The following ARHGAP39 variants were observed in gnomAD, a reference collection of about 807,000 sequenced individuals.
ARHGAP39 encodes Rho GTPase activating protein 39, also known as rho GTPase-activating protein 39.
ARHGAP39 carries 44 observed loss-of-function variants against 106.9 expected under a neutral mutation model. The observed-to-expected ratio is 0.41, with a 90% CI of 0.32 to 0.53. ARHGAP39 has a LOEUF of 0.53. Ranked by LOEUF, ARHGAP39 falls within the 20% of genes least tolerant of loss-of-function variation. The pLI, the probability that ARHGAP39 is intolerant of heterozygous loss-of-function variation, is 0.21. For missense variants in ARHGAP39, 1,496 were observed against 1,577.3 expected (o/e 0.95, Z 0.87); for synonymous variants, 768 against 693.2 (o/e 1.11, Z -1.69).
At chr8:144,599,505 CAA>C (rs1563696580) in intron 2 of ARHGAP39, among the ~76,000 whole-genome samples, 1 of 152,116 alleles carries the variant, frequency 6.6e-6, no homozygotes, top group Non-Finnish European at 1.5e-5. Flanking sequence ...AAACAGAAAA[CAA>C]GAGAGTTTCT....
intron 3 of ARHGAP39, among the ~76,000 whole-genome samples, chr8:144,572,538 AG>A (rs1818622553): frequency 1.3e-5 from 2 of 152,250 alleles, no homozygotes. Flanking sequence ...AAGAAAACCT[AG>A]GCATTACCAT....
intron 6 of ARHGAP39, among the ~76,000 whole-genome samples, chr8:144,538,090 A>G (rs1179404310): frequency 2.6e-5 from 4 of 152,154 alleles, no homozygotes; most frequent in Non-Finnish European, 5.9e-5. Context: ...AGGAGAACAC[A>G]GGGAAGGCGC....
chr8:144,600,293 C>T (rs190237502), intron 2 of ARHGAP39, among the ~76,000 whole-genome samples: 53 of 136,966 alleles, frequency 3.9e-4, no homozygotes, highest in South Asian at 4.8e-4. Flanking sequence ...TACCCACCTG[C>T]GTGTGCGTGT....
chr8:144,686,897 ACTTCCCACCCCC>A (rs1416227988), upstream of ARHGAP39, among the ~76,000 whole-genome samples: 4,587 of 147,460 alleles, frequency 0.031, 1,354 homozygotes, highest in African/African-American at 0.037. Flanking sequence ...GGCGGCGAGC[ACTTCCCACCCCC>A]GTGACCACAC....
chr8:144,545,381 G>C lies in ARHGAP39; in HGVS notation c.2389C>G (p.Arg797Gly). The change falls in exon 6 of 12, where the codon CGC becomes GGC. Residue 797 changes from arginine (R) to glycine (G), a missense_variant. Around this residue, in one of 4 missense-constraint regions of ARHGAP39, gnomAD observed 470 missense variants for 605.1 expected, o/e 0.78. Coordinates refer to ENST00000377307, the MANE Select transcript of ARHGAP39 (RefSeq NM_025251.3). ...CAGCCGCGGGCCAGGCTCTCCAGGC[G>C]GAAGTTCTCGGTGGTCTGCCGGCAC... ...QLCRQTTENFRLESLARGWEL... is the reference protein window; with the variant it reads ...QLCRQTTENFGLESLARGWEL... 1 of 1,598,904 alleles carries C rather than the reference G, an allele frequency of 6.3e-7. No homozygotes were observed. The highest frequency in any genetic ancestry group is 8.5e-7 in the Non-Finnish European group (1 of 1,171,710).
At chr8:144,553,166 C>T (rs1314046802) in intron 4 of ARHGAP39, among the ~76,000 whole-genome samples, 2 of 152,200 alleles carry the variant, frequency 1.3e-5, no homozygotes, top group African/African-American at 2.4e-5. Context: ...GGATCTCCCA[C>T]GAGCGGCCAC....
chr8:144,664,248 C>G (rs1435989602), intron 1 of ARHGAP39, among the ~76,000 whole-genome samples: 2 of 152,228 alleles, frequency 1.3e-5, no homozygotes, highest in Non-Finnish European at 2.9e-5. Context: ...CCTCTGCCAC[C>G]TGAGTAGAGC....
chr8:144,593,827 C>T (rs953689124), intron 2 of ARHGAP39, among the ~76,000 whole-genome samples: 4 of 152,122 alleles, frequency 2.6e-5, no homozygotes, highest in East Asian at 1.9e-4. Context: ...CCGTGGCTAA[C>T]GCCTGGAATC....
intron 1 of ARHGAP39, among the ~76,000 whole-genome samples, chr8:144,660,800 T>C (rs1322816821): frequency 6.6e-6 from 1 of 151,994 alleles, no homozygotes; most frequent in Non-Finnish European, 1.5e-5. Context: ...GCCAACATGG[T>C]GAAATCCTGT....
At chr8:144,614,968 T>C (rs1450020393) in intron 1 of ARHGAP39, among the ~76,000 whole-genome samples, 1 of 152,212 alleles carries the variant, frequency 6.6e-6, no homozygotes, top group East Asian at 1.9e-4. Flanking sequence ...ATGATCAGTA[T>C]GATGTTGAAA....
At chr8:144,602,212 C>G (rs185402931) in intron 2 of ARHGAP39, among the ~76,000 whole-genome samples, 4 of 89,866 alleles carry the variant, frequency 4.5e-5, no homozygotes, top group Non-Finnish European at 6.5e-5. Flanking sequence ...GGCGTGCGTG[C>G]GAGCTCGTGT....
chr8:144,613,764 A>G (rs1441495656), intron 1 of ARHGAP39, among the ~76,000 whole-genome samples: 3 of 152,208 alleles, frequency 2.0e-5, no homozygotes, highest in Non-Finnish European at 4.4e-5. Context: ...CCATTGGTCA[A>G]CAAAGAAAAA....
At chr8:144,581,463 C>A (rs1167972139) in intron 2 of ARHGAP39, among the ~76,000 whole-genome samples, 186 bp from the exon 3 acceptor site, 1 of 152,232 alleles carries the variant, frequency 6.6e-6, no homozygotes, top group Non-Finnish European at 1.5e-5. Flanking sequence ...GGGAAGCCCC[C>A]GGAGCCGCCA....
chr8:144,540,953 G>A (rs528749707), intron 6 of ARHGAP39, among the ~76,000 whole-genome samples: 1 of 152,222 alleles, frequency 6.6e-6, no homozygotes, highest in Non-Finnish European at 1.5e-5. Context: ...CTGGGTTCAA[G>A]TGATTCTCCT....
chr8:144,537,708 G>A lies in ARHGAP39; in HGVS notation c.2614+13C>T. ...CAGACGCCGCGCCCAGGGGCTGCGG[G>A]GAGAGGCCCTACCATCCGGCTCTTC... On this transcript the variant is annotated intron_variant, in intron 7 of 11. Coordinates refer to ENST00000377307, the MANE Select transcript of ARHGAP39 (RefSeq NM_025251.3). The A allele has an allele frequency of 1.9e-6, 3 of 1,612,928 alleles. No individual in the cohort carries two copies. The highest frequency in any genetic ancestry group is 2.5e-6 in the Non-Finnish European group (3 of 1,178,976).
At chr8:144,622,831 G>A (rs1021054852) in intron 1 of ARHGAP39, among the ~76,000 whole-genome samples, 3 of 152,262 alleles carry the variant, frequency 2.0e-5, no homozygotes, top group Non-Finnish European at 4.4e-5. Context: ...GCTGGCCTGC[G>A]CCCGCTCCTT....
intron 1 of ARHGAP39, among the ~76,000 whole-genome samples, chr8:144,607,056 T>C (rs1184199858): frequency 6.7e-6 from 1 of 148,368 alleles, no homozygotes; most frequent in Non-Finnish European, 1.5e-5. Flanking sequence ...AGAACATGTG[T>C]AATGTGTGTG....
the ARHGAP39 span, among the ~76,000 whole-genome samples, chr8:144,694,333 G>A: frequency 0.049 from 7,524 of 152,174 alleles, 619 homozygotes; most frequent in East Asian, 0.35. Context: ...AAGAGGTTGG[G>A]TAATGAACGT....
intron 2 of ARHGAP39, among the ~76,000 whole-genome samples, chr8:144,599,590 G>C (rs1029734628): frequency 4.6e-5 from 7 of 152,132 alleles, no homozygotes; most frequent in African/African-American, 1.7e-4. Context: ...TGTACGGTTG[G>C]GGCTTTGGGA....
Sources: allele counts gnomAD v4.1 joint callset (sites outside exome capture counted in the v4.1 genomes callset), GRCh38; gene constraint gnomAD v4.1.1; regional missense constraint gnomAD v4.1.1; transcripts MANE v1.5; gene names NCBI Gene and HGNC (gene_info 2026-07-23, HGNC 2026-07-21).